Variants in CPXM2 observed in about 807,000 individuals in gnomAD.
CPXM2 encodes the protein carboxypeptidase X, M14 family member 2, also known as inactive carboxypeptidase-like protein X2.
A neutral mutation model predicts 86.1 loss-of-function variants in CPXM2; 66 were observed. The observed-to-expected ratio is 0.77, with a 90% CI of 0.63 to 0.94. CPXM2 has a LOEUF of 0.94. Ranked by LOEUF, CPXM2 falls within the 40% of genes least tolerant of loss-of-function variation. The pLI is 0.00. For missense variants in CPXM2, 948 were observed against 1,026.3 expected, an observed-to-expected ratio of 0.92 and a Z score of 1.04; for synonymous variants, 388 against 400.2, an observed-to-expected ratio of 0.97 and a Z score of 0.36.
At chr10:123,824,253 T>C (rs1847996233) in intron 4 of CPXM2, among the ~76,000 whole-genome samples, 1 of 152,226 alleles carries the variant, frequency 6.6e-6, no homozygotes, top group Admixed American at 6.5e-5. Context: ...TATTGCCAAT[T>C]GACCACTCTG....
intron 2 of CPXM2, among the ~76,000 whole-genome samples, chr10:123,873,277 GT>G (rs1944922489): frequency 1.3e-5 from 2 of 151,836 alleles, no homozygotes; most frequent in African/African-American, 4.8e-5. Flanking sequence ...GAAATTAAAA[GT>G]ATCACAGAAT....
chr10:123,758,888 C>T (rs538978512), intron 11 of CPXM2, among the ~76,000 whole-genome samples: 27 of 152,268 alleles, frequency 1.8e-4, no homozygotes, highest in African/African-American at 6.5e-4. Context: ...AGAAGGAACC[C>T]TCTCCTGCGA....
intron 1 of CPXM2, chr10:123,886,998 T>A (rs149980004): frequency 6.6e-6 from 1 of 152,308 alleles, no homozygotes; most frequent in African/African-American, 2.4e-5. Context: ...GAATGAAAAC[T>A]GAGGACCTGA....
At chr10:123,863,801 C>A (rs987430896) in intron 2 of CPXM2, among the ~76,000 whole-genome samples, 23 of 152,348 alleles carry the variant, frequency 1.5e-4, no homozygotes, top group African/African-American at 5.3e-4. Context: ...TAATCCCACA[C>A]CCCGTCACTC....
At chr10:123,933,512 G>A (rs1945686204) in intron 2 of CPXM2, among the ~76,000 whole-genome samples, 1 of 152,196 alleles carries the variant, frequency 6.6e-6, no homozygotes, top group African/African-American at 2.4e-5. Context: ...GAGGTCAGGA[G>A]TTTGAGACCA....
intron 4 of CPXM2, among the ~76,000 whole-genome samples, chr10:123,812,122 T>A (rs1451945910): frequency 6.6e-6 from 1 of 152,158 alleles, no homozygotes. Context: ...ACAAGAATGC[T>A]AATAGCAGCA....
intron 7 of CPXM2, among the ~76,000 whole-genome samples, chr10:123,778,665 G>A (rs908089109): frequency 6.6e-6 from 1 of 152,116 alleles, no homozygotes; most frequent in Admixed American, 6.6e-5. Context: ...AAATGCATTG[G>A]GATTTATTGC....
intron 2 of CPXM2, among the ~76,000 whole-genome samples, chr10:123,906,033 GC>G (rs1202265971): frequency 6.6e-6 from 1 of 152,138 alleles, no homozygotes; most frequent in East Asian, 1.9e-4. Context: ...TGAAGTGGGG[GC>G]AGGTCATCCA....
intron 3 of CPXM2, among the ~76,000 whole-genome samples, chr10:123,851,965 G>A (rs1423629264): frequency 6.6e-6 from 1 of 152,050 alleles, no homozygotes; most frequent in Non-Finnish European, 1.5e-5. Context: ...AGAGACTGGG[G>A]TGATGCATCT....
chr10:123,838,275 A>C (rs995979699), intron 4 of CPXM2, among the ~76,000 whole-genome samples: 3 of 152,170 alleles, frequency 2.0e-5, no homozygotes, highest in Non-Finnish European at 4.4e-5. Flanking sequence ...CACCTGGCCA[A>C]CATGGTGAAA....
chr10:123,887,980 TG>T (rs1216519910), intron 1 of CPXM2, among the ~76,000 whole-genome samples: 12 of 152,178 alleles, frequency 7.9e-5, no homozygotes, highest in African/African-American at 2.7e-4. Flanking sequence ...TCATGGAAAA[TG>T]CAATACTCTC....
intron 6 of CPXM2, among the ~76,000 whole-genome samples, chr10:123,790,118 T>A (rs774851474): frequency 1.3e-5 from 2 of 151,728 alleles, no homozygotes; most frequent in Admixed American, 1.3e-4. Flanking sequence ...GACTCCATCT[T>A]AAAAAAAATT....
intron 4 of CPXM2, among the ~76,000 whole-genome samples, chr10:123,829,095 G>T (rs1246250566): frequency 6.6e-6 from 1 of 152,188 alleles, no homozygotes; most frequent in Non-Finnish European, 1.5e-5. Context: ...AGGATATCTA[G>T]ATGGCAAATA....
Position 123,767,069 on chromosome 10 carries a change from C to T in CPXM2, c.1383G>A (p.Thr461=), listed in dbSNP as rs751262024. ...DINNNFPDLN[T]LLWEAEDRQN... ...GTCGATCCTCTGCCTCCCAGAGCAG[C>T]GTGTTTAAATCAGGAAAGTTGTTGT... The change falls in exon 10 of 14, where the codon ACG becomes ACA. Residue 461 remains threonine, a synonymous_variant. Coordinates refer to ENST00000241305, the MANE Select transcript of CPXM2 (RefSeq NM_198148.3). 67 of 1,614,042 alleles carry T rather than the reference C, an allele frequency of 4.2e-5. No individual in the cohort carries two copies. Among genetic ancestry groups the T allele is most frequent in the Middle Eastern group, 1.6e-4 (1 of 6,084 alleles).
chr10:123,844,867 T>C (rs1848466114), intron 3 of CPXM2, among the ~76,000 whole-genome samples: 1 of 151,728 alleles, frequency 6.6e-6, no homozygotes, highest in Non-Finnish European at 1.5e-5. Context: ...GAGGTGAGGG[T>C]AAGGCAGGAC....
rs1171718267 is a variant in CPXM2, at chr10:123,768,566, G to A, written c.1259C>T (p.Pro420Leu). The A allele has an allele frequency of 1.9e-6, 3 of 1,613,740 alleles. No individual in the cohort carries two copies. Among genetic ancestry groups the A allele is most frequent in the Non-Finnish European group, 1.7e-6 (2 of 1,179,876 alleles). ...CTCGTAGCCATCGGGGTTGAGGGAG[G>A]GGAGGACGTGAATCCGCGTCTCCTC... The part of the protein sequence containing the change: ...LVEETRIHVL[P>L]SLNPDGYEKA... The change falls in exon 9 of 14, where the codon CCC (proline) becomes CTC (leucine). Residue 420 changes from proline to leucine, a missense_variant. Pro to Leu is a moderately conservative substitution (Grantham distance 98). Coordinates refer to ENST00000241305, the MANE Select transcript of CPXM2 (RefSeq NM_198148.3).
chr10:123,751,689 T>C (rs1846080226), intron 13 of CPXM2: 1 of 985,332 alleles, frequency 1.0e-6, no homozygotes, highest in African/African-American at 1.7e-5. Context: ...CCTGTTTATT[T>C]TATGCAAAAT....
chr10:123,812,661 C>T (rs1255881493), intron 4 of CPXM2, among the ~76,000 whole-genome samples: 2 of 152,196 alleles, frequency 1.3e-5, no homozygotes, highest in Admixed American at 6.5e-5. Flanking sequence ...CAACTGAGCT[C>T]GACCTACTGT....
chr10:123,838,959 T>A (rs953450265), intron 4 of CPXM2, among the ~76,000 whole-genome samples: 5 of 152,168 alleles, frequency 3.3e-5, no homozygotes. Context: ...CCCCAAATCC[T>A]CAGACTCATG....
Sources: gnomAD v4.1 joint callset for allele counts (sites outside exome capture counted in the v4.1 genomes callset) on GRCh38, gnomAD v4.1.1 for gene constraint, MANE v1.5 for transcripts, NCBI Gene and HGNC (gene_info 2026-07-23, HGNC 2026-07-21) for gene names.